The following SGCZ variants were observed in gnomAD, a reference collection of about 807,000 sequenced individuals.
SGCZ encodes zeta-sarcoglycan.
SGCZ carries 40 observed loss-of-function variants against 41.3 expected under a neutral mutation model. The ratio of observed to expected loss-of-function variants is 0.97; its 90% CI spans 0.75 to 1.26. SGCZ has a LOEUF of 1.26. SGCZ is among the 50% of genes most tolerant of loss of function. The pLI is 0.00. For synonymous variants in SGCZ, 206 were observed against 137.5 expected (o/e 1.50, Z -3.49); for missense variants, 552 against 369.8 (o/e 1.49, Z -4.04).
intron 4 of SGCZ, among the ~76,000 whole-genome samples, chr8:14,233,638 A>G (rs1806652907): frequency 6.7e-6 from 1 of 149,210 alleles, no homozygotes; most frequent in Non-Finnish European, 1.5e-5. Context: ...CTGAGATAAT[A>G]AAACAAATTT....
At chr8:14,653,211 A>G (rs1807459265) in intron 1 of SGCZ, among the ~76,000 whole-genome samples, 1 of 152,016 alleles carries the variant, frequency 6.6e-6, no homozygotes, top group Non-Finnish European at 1.5e-5. Context: ...ACTAGTTCCG[A>G]CCAAAGCAAT....
chr8:15,039,769 T>C (rs754094197), intron 1 of SGCZ, among the ~76,000 whole-genome samples: 8 of 152,222 alleles, frequency 5.3e-5, no homozygotes, highest in Non-Finnish European at 1.2e-4. Context: ...TACGTTTTCA[T>C]TTCCTTGAGA....
At chr8:14,994,011 G>C (rs960031045) in intron 1 of SGCZ, among the ~76,000 whole-genome samples, 1 of 152,222 alleles carries the variant, frequency 6.6e-6, no homozygotes, top group African/African-American at 2.4e-5. Flanking sequence ...ATCCAGCTGA[G>C]AATACATTGG....
chr8:14,768,090 A>T (rs1318113083), intron 1 of SGCZ, among the ~76,000 whole-genome samples: 1 of 152,192 alleles, frequency 6.6e-6, no homozygotes, highest in East Asian at 1.9e-4. Flanking sequence ...GCACTCTATT[A>T]AGCCCTAAAA....
At chr8:15,237,256 C>T (rs911891895) in intron 1 of SGCZ, among the ~76,000 whole-genome samples, 1 of 151,986 alleles carries the variant, frequency 6.6e-6, no homozygotes, top group African/African-American at 2.4e-5. Context: ...GCCGCTGCCC[C>T]CCCCGGGGAG....
chr8:14,375,309 G>T (rs1314206220), intron 2 of SGCZ, among the ~76,000 whole-genome samples: 1 of 152,164 alleles, frequency 6.6e-6, no homozygotes, highest in African/African-American at 2.4e-5. Context: ...GAAATAGGTA[G>T]AAACACATTA....
chr8:15,097,667 A>G (rs1018538336), intron 1 of SGCZ, among the ~76,000 whole-genome samples: 4 of 151,160 alleles, frequency 2.6e-5, no homozygotes, highest in Non-Finnish European at 5.9e-5. Flanking sequence ...GAATCTCCTG[A>G]GCCCAGGAGT....
At position 15,064,939 on chromosome 8, in the gene SGCZ, G is replaced by T. The variant is rs76560690; in HGVS notation, c.39+172646C>A. 8.8e-3 allele frequency among the ~76,000 whole-genome samples: 1,339 copies of T among 152,148 alleles called. 12 individuals carry two copies. The highest frequency in any genetic ancestry group is 0.03 in the African/African-American group (1,265 of 41,498). ...ACTATGTCTACTTGACATCAGTTGC[G>T]GTTTACACCATCTTCATTTTTTCCT... On this transcript the variant is annotated intron_variant, in intron 1 of 7. Coordinates refer to ENST00000382080, the MANE Select transcript of SGCZ (RefSeq NM_139167.4).
At chr8:15,000,831 T>C (rs953642053) in intron 1 of SGCZ, among the ~76,000 whole-genome samples, 1 of 152,212 alleles carries the variant, frequency 6.6e-6, no homozygotes, top group Non-Finnish European at 1.5e-5. Flanking sequence ...TGGATGTCTG[T>C]CTGTCTGTCT....
chr8:14,108,065 G>A, intron 6 of SGCZ, 98 bp downstream of exon 6: 1 of 855,296 alleles, frequency 1.2e-6, no homozygotes, highest in Non-Finnish European at 1.7e-6. Flanking sequence ...AGTATATTGG[G>A]AGAAACATTT....
chr8:14,358,667 A>G (rs1159043824), intron 2 of SGCZ, among the ~76,000 whole-genome samples: 2 of 152,172 alleles, frequency 1.3e-5, no homozygotes, highest in Non-Finnish European at 2.9e-5. Context: ...GCTGGAGTGC[A>G]GTGGTGTGAT....
At chr8:15,093,509 G>A (rs957065124) in intron 1 of SGCZ, among the ~76,000 whole-genome samples, 1 of 152,026 alleles carries the variant, frequency 6.6e-6, no homozygotes, top group Admixed American at 6.6e-5. Flanking sequence ...GGGTCTCATT[G>A]TTTTTATTTT....
chr8:15,155,999 A>G, intron 1 of SGCZ, among the ~76,000 whole-genome samples: 1 of 146,704 alleles, frequency 6.8e-6, no homozygotes, highest in East Asian at 2.2e-4. Flanking sequence ...CAGAGGTTGC[A>G]GTGAGCCAAG....
intron 2 of SGCZ, among the ~76,000 whole-genome samples, chr8:14,376,361 ATAAC>A (rs1356554431): frequency 6.6e-6 from 1 of 152,136 alleles, no homozygotes; most frequent in Non-Finnish European, 1.5e-5. Context: ...CAATGGAAAA[ATAAC>A]TATTGTAACA....
At chr8:14,431,547 G>A (rs1189325967) in intron 2 of SGCZ, among the ~76,000 whole-genome samples, 1 of 152,158 alleles carries the variant, frequency 6.6e-6, no homozygotes, top group South Asian at 2.1e-4. Context: ...ACTCAAGATG[G>A]ATCAAGAACT....
At chr8:14,679,158 C>T (rs887908958) in intron 1 of SGCZ, among the ~76,000 whole-genome samples, 3 of 152,120 alleles carry the variant, frequency 2.0e-5, no homozygotes, top group African/African-American at 4.8e-5. Flanking sequence ...AATAATATAT[C>T]ACATACAATT....
intron 1 of SGCZ, among the ~76,000 whole-genome samples, chr8:15,194,988 G>A (rs1800674666): frequency 6.6e-6 from 1 of 152,180 alleles, no homozygotes; most frequent in Non-Finnish European, 1.5e-5. Context: ...AAAAATGACT[G>A]ATCATTTATT....
intron 1 of SGCZ, among the ~76,000 whole-genome samples, chr8:14,720,051 C>A (rs990256025): frequency 6.6e-6 from 1 of 151,956 alleles, no homozygotes; most frequent in African/African-American, 2.4e-5. Flanking sequence ...AGGAAGGGAT[C>A]CAGTTTCAGC....
chr8:14,899,693 C>T (rs993085286), intron 1 of SGCZ, among the ~76,000 whole-genome samples: 4 of 151,838 alleles, frequency 2.6e-5, no homozygotes, highest in Admixed American at 6.6e-5. Context: ...CTTTTGACCT[C>T]GGGAGGTTAA....
Sources: allele counts gnomAD v4.1 joint callset (sites outside exome capture counted in the v4.1 genomes callset), GRCh38; gene constraint gnomAD v4.1.1; transcripts MANE v1.5; gene names NCBI Gene and HGNC (gene_info 2026-07-23, HGNC 2026-07-21).